LARP1B: variants seen among roughly 807,000 people sequenced by gnomAD.
The protein encoded by LARP1B is La ribonucleoprotein 1B.
A neutral mutation model predicts 114.2 loss-of-function variants in LARP1B; 76 were observed. That is an observed-to-expected ratio of 0.67 (90% CI 0.55 to 0.81). The LOEUF is 0.81. Among genes scored for constraint, LARP1B ranks in the 30% least tolerant of loss-of-function variants. The probability of loss-of-function intolerance (pLI) is 0.00; values close to 1 mark genes in which losing one functional copy is unlikely to be tolerated. For missense variants in LARP1B, 1,014 were observed against 1,075.8 expected (o/e 0.94, Z 0.80); for synonymous variants, 345 against 348.0 (o/e 0.99, Z 0.10).
At chr4:128,143,500 C>G (rs1004026663) in intron 11 of LARP1B, among the ~76,000 whole-genome samples, 2 of 137,984 alleles carry the variant, frequency 1.4e-5, no homozygotes, top group African/African-American at 5.2e-5. Context: ...AATACAATCT[C>G]TAAATAATTC....
chr4:128,155,928 G>C (rs1735389112), intron 11 of LARP1B: 2 of 1,537,460 alleles, frequency 1.3e-6, no homozygotes, highest in Non-Finnish European at 9.0e-7. Context: ...GAGCCAAGGA[G>C]GGGTACACAG....
At chr4:128,157,061 GAAAC>G (rs1351751963) in intron 11 of LARP1B, among the ~76,000 whole-genome samples, 2 of 151,634 alleles carry the variant, frequency 1.3e-5, no homozygotes, top group African/African-American at 4.8e-5. Context: ...AAAAACAAAA[GAAAC>G]AACAGGAAAT....
Position 128,178,445 on chromosome 4 carries a change from T to C in LARP1B, c.1699T>C (p.Leu567=). The C allele has an allele frequency of 6.2e-7, 1 of 1,611,640 alleles. No individual in the cohort carries two copies. The highest frequency in any genetic ancestry group is 1.7e-5 in the Admixed American group (1 of 59,774). Residue 567 remains leucine (L), a synonymous_variant, in exon 14 of 20, where the codon TTA becomes CTA. Transcript: ENST00000326639. ...TTATTTTGCAGATTTGACTGATGAATTAGCTCAGAAGTTATTTGATGTTTC... is the reference window on the plus strand; with the variant it reads ...TTATTTTGCAGATTTGACTGATGAACTAGCTCAGAAGTTATTTGATGTTTC... The part of the protein sequence containing the change: ...HIPKKDLTDE[L]AQKLFDVSEI...
chr4:128,122,148 T>C lies in LARP1B; in HGVS notation c.1484T>C (p.Leu495Pro). ...GGCTTATACTATTATGAACAGGATC[T>C]ATGGATGGAAGAAGATGAAAACAAA... ...NDGLYYYEQD[L>P]WMEEDENKHT... is the part of the protein sequence containing the mutation. Residue 495 changes from leucine (L) to proline (P), a missense_variant, in exon 11 of 20, where the codon CTA becomes CCA. Leu to Pro is a moderately conservative substitution (Grantham distance 98, BLOSUM62 -3). Transcript: ENST00000326639. The C allele has an allele frequency of 6.2e-7, 1 of 1,613,930 alleles. No individual in the cohort carries two copies. Among genetic ancestry groups the C allele is most frequent in the South Asian group, 1.1e-5 (1 of 91,058 alleles).
chr4:128,187,372 CAT>C (rs1323194473), intron 15 of LARP1B, among the ~76,000 whole-genome samples: 4 of 152,260 alleles, frequency 2.6e-5, no homozygotes, highest in Admixed American at 1.3e-4. Context: ...CTGGATGTAA[CAT>C]ATGGAGTCAA....
At chr4:128,147,727 G>T (rs781307345) in intron 11 of LARP1B, among the ~76,000 whole-genome samples, 8 of 152,088 alleles carry the variant, frequency 5.3e-5, no homozygotes, top group Non-Finnish European at 8.8e-5. Flanking sequence ...ATGAGTTTCT[G>T]AAGTGTCTTC....
At chr4:128,173,118 G>GT (rs1489604876) in intron 12 of LARP1B, among the ~76,000 whole-genome samples, 2 of 151,878 alleles carry the variant, frequency 1.3e-5, no homozygotes, top group African/African-American at 4.8e-5. Flanking sequence ...TTATGATTTT[G>GT]TTTTTTTGCT....
chr4:128,061,599 C>T, intron 1 of LARP1B, 198 bp downstream of exon 1: 1 of 849,186 alleles, frequency 1.2e-6, no homozygotes, highest in Non-Finnish European at 1.4e-6. Flanking sequence ...TGTCTGTCCC[C>T]AGTTGGAGCC....
intron 1 of LARP1B, among the ~76,000 whole-genome samples, chr4:128,071,020 T>C (rs1355839471): frequency 6.6e-6 from 1 of 152,044 alleles, no homozygotes; most frequent in East Asian, 1.9e-4. Flanking sequence ...AGTCACTTTT[T>C]ATTTATTTAT....
At chr4:128,174,815 C>T (rs28625259) in intron 12 of LARP1B, among the ~76,000 whole-genome samples, 62,815 of 151,752 alleles carry the variant, frequency 0.41, 14,263 homozygotes, top group African/African-American at 0.6. Flanking sequence ...TGAGGACTTA[C>T]GAAACAAGTA....
At chr4:128,152,329 G>A (rs1252971077) in intron 11 of LARP1B, among the ~76,000 whole-genome samples, 2 of 150,310 alleles carry the variant, frequency 1.3e-5, no homozygotes, top group East Asian at 2.0e-4. Flanking sequence ...TTAGCCTCCC[G>A]AGTAGCTTGG....
Position 128,091,048 on chromosome 4 carries a change from A to C in LARP1B, c.406A>C (p.Ser136Arg). The change falls in exon 6 of 20, where the codon AGT becomes CGT. Residue 136 changes from serine to arginine, a missense_variant. Coordinates refer to ENST00000326639, the MANE Select transcript of LARP1B (RefSeq NM_018078.4). ...EKRDDQDDVS[S>R]VRSEGGNIRG... is the part of the protein sequence containing the mutation. Reference sequence around the variant, plus strand: ...AAGGGATGATCAAGATGACGTTTCCAGTGTGAGAAGTGAGGGTGGTAATAT... The same window carrying C: ...AAGGGATGATCAAGATGACGTTTCCCGTGTGAGAAGTGAGGGTGGTAATAT... 1 of 1,613,692 alleles carries C rather than the reference A, an allele frequency of 6.2e-7. No homozygotes were observed. Among genetic ancestry groups the C allele is most frequent in the Non-Finnish European group, 8.5e-7 (1 of 1,179,730 alleles).
chr4:128,139,137 AAAG>A (rs1045285545), intron 11 of LARP1B, among the ~76,000 whole-genome samples: 12 of 152,188 alleles, frequency 7.9e-5, no homozygotes, highest in African/African-American at 2.4e-5. Context: ...CTTGAATAAA[AAAG>A]AAAAAAATAG....
At chr4:128,192,044 T>A (rs1376470019) in intron 15 of LARP1B, among the ~76,000 whole-genome samples, 1 of 152,208 alleles carries the variant, frequency 6.6e-6, no homozygotes, top group Non-Finnish European at 1.5e-5. Context: ...GGGATATTGC[T>A]GATGATAAGC....
intron 12 of LARP1B, among the ~76,000 whole-genome samples, chr4:128,168,018 T>C (rs548006014): frequency 6.6e-6 from 1 of 152,214 alleles, no homozygotes; most frequent in East Asian, 1.9e-4. Context: ...TATCCACTTA[T>C]TAGTTGAAGG....
intron 1 of LARP1B, among the ~76,000 whole-genome samples, chr4:128,073,234 T>G (rs1356799093): frequency 6.6e-6 from 1 of 151,492 alleles, no homozygotes; most frequent in African/African-American, 2.4e-5. Flanking sequence ...GCTAAAATGG[T>G]GAAACCCTGT....
At chr4:128,095,363 C>A (rs1777509804) in intron 7 of LARP1B, among the ~76,000 whole-genome samples, 1 of 151,774 alleles carries the variant, frequency 6.6e-6, no homozygotes, top group African/African-American at 2.4e-5. Context: ...GTGGCACACA[C>A]CTGTAGTCCC....
intron 18 of LARP1B, 66 bp downstream of exon 18, chr4:128,206,603 A>G (rs925271094): frequency 2.9e-5 from 45 of 1,527,286 alleles, no homozygotes; most frequent in Middle Eastern, 1.7e-4. Context: ...GTCAGTAAAT[A>G]GGGAAGGAGT....
intron 8 of LARP1B, among the ~76,000 whole-genome samples, chr4:128,098,767 A>ATACATATATATATTTT (rs1328165907): frequency 2.9e-5 from 1 of 35,034 alleles, no homozygotes; most frequent in East Asian, 1.3e-3. Flanking sequence ...ATATATATAT[A>ATACATATATATATTTT]TTTTTTTTTT....
Sources: allele counts gnomAD v4.1 joint callset (sites outside exome capture counted in the v4.1 genomes callset), GRCh38; gene constraint gnomAD v4.1.1; transcripts MANE v1.5; gene names NCBI Gene and HGNC (gene_info 2026-07-23, HGNC 2026-07-21).